Variants in XPR1 observed in about 807,000 individuals in gnomAD.
XPR1 encodes the protein xenotropic and polytropic retrovirus receptor 1, also known as solute carrier family 53 member 1.
A neutral mutation model predicts 87.5 loss-of-function variants in XPR1; 28 were observed. The ratio of observed to expected loss-of-function variants is 0.32; its 90% CI spans 0.24 to 0.44. The LOEUF is 0.44. Ranked by LOEUF, XPR1 falls within the 20% of genes least tolerant of loss-of-function variation. The pLI is 1.00. For missense variants in XPR1, 559 were observed against 862.3 expected, an observed-to-expected ratio of 0.65 and a Z score of 4.41; for synonymous variants, 300 against 306.1, an observed-to-expected ratio of 0.98 and a Z score of 0.21.
chr1:180,771,653 G>A (rs924723855), intron 2 of XPR1, among the ~76,000 whole-genome samples: 5 of 152,028 alleles, frequency 3.3e-5, no homozygotes, highest in East Asian at 1.9e-4. Context: ...ACTTTGATGC[G>A]TATTGTGCTT....
At chr1:180,649,406 G>A (rs965940910) in intron 1 of XPR1, among the ~76,000 whole-genome samples, 1 of 152,078 alleles carries the variant, frequency 6.6e-6, no homozygotes, top group African/African-American at 2.4e-5. Flanking sequence ...ACTCCAGCCT[G>A]GGTGACAGAG....
At chr1:180,668,625 A>G (rs1190422590) in intron 1 of XPR1, among the ~76,000 whole-genome samples, 2 of 151,976 alleles carry the variant, frequency 1.3e-5, no homozygotes, top group African/African-American at 2.4e-5. Flanking sequence ...TCCTCTCTAA[A>G]TGTTTTACAA....
rs200044209 is a variant in XPR1, at chr1:180,744,650, C to CTTTTTTTTTTTTTTTTTTTTTTTT, written c.122-43100_122-43099insTTTTTTTTTTTTTTTTTTTTTTTT. On this transcript the variant is annotated intron_variant, in intron 2 of 14. Transcript: ENST00000367590. ...ACTTGTTCAGGTTTAGGCACAATTT[C>CTTTTTTTTTTTTTTTTTTTTTTTT]TTTCTTTTTTTTTTTTTTGAGACAG... Among the ~76,000 whole-genome samples the CTTTTTTTTTTTTTTTTTTTTTTTT allele has an allele frequency of 1.4e-3, 77 of 56,938 alleles. 16 individuals are homozygous for CTTTTTTTTTTTTTTTTTTTTTTTT. The highest frequency in any genetic ancestry group is 4.3e-3 in the African/African-American group (74 of 17,122). 37.4% of individuals were successfully genotyped at this position (56,938 alleles called of 152,430 possible). A position where few individuals can be genotyped will look rare whatever the true frequency, so the allele number is the denominator to read the frequency against.
intron 1 of XPR1, among the ~76,000 whole-genome samples, chr1:180,635,343 G>A (rs1654727284): frequency 6.6e-6 from 1 of 152,074 alleles, no homozygotes; most frequent in African/African-American, 2.4e-5. Flanking sequence ...TTAAAATTTA[G>A]AATTAGTGAC....
intron 2 of XPR1, among the ~76,000 whole-genome samples, chr1:180,773,612 T>A (rs774941908): frequency 3.3e-5 from 5 of 152,232 alleles, no homozygotes; most frequent in Non-Finnish European, 7.4e-5. Context: ...CATAACATTT[T>A]CTTTGAAGGA....
chr1:180,644,712 G>A (rs1258257348), intron 1 of XPR1, among the ~76,000 whole-genome samples: 2 of 151,992 alleles, frequency 1.3e-5, no homozygotes, highest in Non-Finnish European at 2.9e-5. Context: ...ACCAGGGACC[G>A]GTTTTGTGGA....
intron 11 of XPR1, among the ~76,000 whole-genome samples, chr1:180,852,525 G>C (rs763508121): frequency 2.6e-5 from 4 of 152,050 alleles, no homozygotes; most frequent in Non-Finnish European, 5.9e-5. Context: ...GAGAGAAAGA[G>C]ACCACAGTCA....
At chr1:180,707,260 A>T (rs1657590015) in intron 2 of XPR1, among the ~76,000 whole-genome samples, 1 of 152,110 alleles carries the variant, frequency 6.6e-6, no homozygotes, top group Non-Finnish European at 1.5e-5. Context: ...AATCATGGGG[A>T]TTTGTTGTAT....
At chr1:180,657,183 A>G (rs1462719763) in intron 1 of XPR1, among the ~76,000 whole-genome samples, 5 of 151,794 alleles carry the variant, frequency 3.3e-5, no homozygotes, top group Non-Finnish European at 5.9e-5. Flanking sequence ...TCTTAATTGG[A>G]TTATTAGATT....
At chr1:180,709,625 C>T (rs753000480) in intron 2 of XPR1, among the ~76,000 whole-genome samples, 11 of 152,204 alleles carry the variant, frequency 7.2e-5, no homozygotes, top group East Asian at 1.9e-4. Context: ...TGCAATTTTA[C>T]GTTCACTTAG....
chr1:180,649,865 A>G (rs1013353140), intron 1 of XPR1, among the ~76,000 whole-genome samples: 9 of 152,010 alleles, frequency 5.9e-5, no homozygotes, highest in Non-Finnish European at 1.0e-4. Flanking sequence ...CCTGTTAACT[A>G]CTTCTTCGGC....
At chr1:180,694,263 A>T (rs1437931807) in intron 2 of XPR1, among the ~76,000 whole-genome samples, 11 of 152,172 alleles carry the variant, frequency 7.2e-5, no homozygotes, top group Non-Finnish European at 8.8e-5. Context: ...TCAGCCTACT[A>T]TATCCATGCT....
At chr1:180,745,219 C>T (rs1273941031) in intron 2 of XPR1, among the ~76,000 whole-genome samples, 1 of 151,944 alleles carries the variant, frequency 6.6e-6, no homozygotes, top group Non-Finnish European at 1.5e-5. Context: ...CTGAAGTGTC[C>T]CTTTTCTGTT....
chr1:180,803,366 A>G (rs1649864375), intron 3 of XPR1, 22 bp from the exon 4 acceptor site: 2 of 1,597,100 alleles, frequency 1.3e-6, no homozygotes, highest in Non-Finnish European at 1.7e-6. Context: ...CTGATTTGAC[A>G]GTTCCGTTCT....
chr1:180,830,812 A>G (rs527473202), intron 9 of XPR1, among the ~76,000 whole-genome samples: 1 of 152,240 alleles, frequency 6.6e-6, no homozygotes, highest in East Asian at 1.9e-4. Context: ...ATTGGTACCT[A>G]CTTCCCTTCT....
chr1:180,693,626 T>C (rs939864073), intron 2 of XPR1, among the ~76,000 whole-genome samples: 1 of 152,220 alleles, frequency 6.6e-6, no homozygotes, highest in Non-Finnish European at 1.5e-5. Flanking sequence ...TCTGCAGGGC[T>C]ACCTTCCTTC....
chr1:180,652,162 G>T (rs1655317204), intron 1 of XPR1, among the ~76,000 whole-genome samples: 1 of 152,090 alleles, frequency 6.6e-6, no homozygotes, highest in Non-Finnish European at 1.5e-5. Flanking sequence ...TGTGGTGGCG[G>T]TCACCTGTAA....
At chr1:180,727,152 C>G (rs937029967) in intron 2 of XPR1, among the ~76,000 whole-genome samples, 1 of 152,024 alleles carries the variant, frequency 6.6e-6, no homozygotes, top group Admixed American at 6.6e-5. Context: ...CGTGAGCCAC[C>G]GCGCCTGGCT....
chr1:180,761,622 C>T (rs1423852245), intron 2 of XPR1, among the ~76,000 whole-genome samples: 1 of 152,168 alleles, frequency 6.6e-6, no homozygotes, highest in Non-Finnish European at 1.5e-5. Context: ...CAGGAAACAA[C>T]AGGTGCTGGA....
Sources: allele counts gnomAD v4.1 joint callset (sites outside exome capture counted in the v4.1 genomes callset), GRCh38; gene constraint gnomAD v4.1.1; transcripts MANE v1.5; gene names NCBI Gene and HGNC (gene_info 2026-07-23, HGNC 2026-07-21).